BMP2K: variants seen among roughly 807,000 people sequenced by gnomAD.
The protein encoded by BMP2K is BMP-2-inducible protein kinase.
BMP2K carries 74 observed loss-of-function variants against 116.0 expected under a neutral mutation model. The observed-to-expected ratio is 0.64, with a 90% confidence interval of 0.53 to 0.77. The LOEUF is 0.77. BMP2K is among the 30% of genes least tolerant of loss of function. The probability of loss-of-function intolerance (pLI) is 0.00; values close to 1 mark genes in which losing one functional copy is unlikely to be tolerated. For synonymous variants in BMP2K, 486 were observed against 502.5 expected (o/e 0.97, Z 0.44); for missense variants, 1,365 against 1,403.6 (o/e 0.97, Z 0.44).
At chr4:78,826,212 T>G (rs1279469672) in intron 2 of BMP2K, 57 bp downstream of exon 2, 1 of 1,418,918 alleles carries the variant, frequency 7.0e-7, no homozygotes, top group African/African-American at 1.4e-5. Context: ...TTTTTATTTT[T>G]CTTGGGATGG....
Position 78,911,635 on chromosome 4 carries a change from C to T in BMP2K, c.3088C>T (p.Gln1030Ter), listed in dbSNP as rs1734618335. ...CAAAAAAGTGGGCCGCCGAGACTCT[C>T]AAAGTAGCAATGAATTTTTAACCAT... is the stretch of plus-strand genomic sequence containing the variant. ...RHKKVGRRDS[Q>*]SSNEFLTISD... The change falls in exon 16 of 16, where the codon CAA becomes TAA. Residue 1030 changes from glutamine (Q) to a stop codon, truncating the protein, a stop_gained. Transcript: ENST00000502613. LOFTEE classifies it high-confidence loss of function. The T allele has an allele frequency of 1.2e-6, 2 of 1,613,856 alleles. No homozygotes were observed. The highest frequency in any genetic ancestry group is 1.7e-6 in the Non-Finnish European group (2 of 1,179,886).
At position 78,776,534 on chromosome 4, in the gene BMP2K, C is replaced by G; in HGVS notation, c.-10C>G. ...ACGCTCCCTGCGCCCTCCAGCTCGC[C>G]GGCGGGACCATGAAGAAGTTCTCTC... On this transcript the variant is annotated 5_prime_UTR_variant, in exon 1 of 16. Coordinates refer to ENST00000502613, the MANE Select transcript of BMP2K (RefSeq NM_198892.2). 8.8e-7 allele frequency: 1 copy of G among 1,135,550 alleles called. No individual in the cohort carries two copies. The highest frequency in any genetic ancestry group is 1.1e-6 in the Non-Finnish European group (1 of 922,896). The allele number at this position is 1,135,550 out of a possible 1,614,324, so 70.3% of individuals were successfully genotyped here.
At chr4:78,812,488 C>T (rs1267479804) in intron 1 of BMP2K, among the ~76,000 whole-genome samples, 4 of 152,128 alleles carry the variant, frequency 2.6e-5, no homozygotes, top group Admixed American at 2.6e-4. Flanking sequence ...TTGGTATGTC[C>T]AAAACTGTGC....
chr4:78,859,542 G>A, intron 7 of BMP2K, 42 bp from the exon 8 acceptor site: 2 of 1,329,432 alleles, frequency 1.5e-6, no homozygotes, highest in Non-Finnish European at 2.1e-6. Flanking sequence ...AGTATAATGT[G>A]TGTTTCATAA....
Position 78,847,248 on chromosome 4 carries a change from C to G in BMP2K, c.729C>G (p.Ile243Met). The G allele has an allele frequency of 6.3e-7, 1 of 1,595,646 alleles. No individual in the cohort carries two copies. The change falls in exon 6 of 16, where the codon ATC becomes ATG. Residue 243 changes from isoleucine (I) to methionine (M), a missense_variant. Physicochemically the swap from Ile to Met is conservative, Grantham distance 10 (BLOSUM62 1). Coordinates refer to ENST00000502613, the MANE Select transcript of BMP2K (RefSeq NM_198892.2). ...EMINLYGGKP[I>M]TTKADIWALG... ...TCAACCTTTATGGAGGGAAACCCAT[C>G]ACCACCAAGGCTGATATCTGGGTAA...
chr4:78,903,480 C>A (rs1331866141), intron 15 of BMP2K, among the ~76,000 whole-genome samples: 1 of 151,846 alleles, frequency 6.6e-6, no homozygotes, highest in Non-Finnish European at 1.5e-5. Flanking sequence ...CTAACACACA[C>A]CCCCACCCAA....
chr4:78,837,371 T>G (rs536152494), intron 3 of BMP2K, among the ~76,000 whole-genome samples: 1 of 152,046 alleles, frequency 6.6e-6, no homozygotes, highest in South Asian at 2.1e-4. Context: ...ATTTTTGTAA[T>G]TTTAGTAGAG....
At chr4:78,909,325 C>T (rs528364550) in intron 15 of BMP2K, among the ~76,000 whole-genome samples, 37 of 151,612 alleles carry the variant, frequency 2.4e-4, no homozygotes, top group South Asian at 1.3e-3. Context: ...GGTGAGCCAC[C>T]GCACCCAGCC....
chr4:78,866,611 A>C (rs1174520485), intron 10 of BMP2K, among the ~76,000 whole-genome samples: 1 of 152,142 alleles, frequency 6.6e-6, no homozygotes, highest in African/African-American at 2.4e-5. Flanking sequence ...GTTACTATCA[A>C]GTAAAGTATA....
intron 3 of BMP2K, among the ~76,000 whole-genome samples, chr4:78,839,449 T>C (rs1321451805): frequency 4.6e-5 from 7 of 152,190 alleles, no homozygotes; most frequent in Non-Finnish European, 7.4e-5. Context: ...GCAGGAAATT[T>C]ATCTGCCTCA....
chr4:78,910,482 T>G, intron 15 of BMP2K, 128 bp from the exon 16 acceptor site: 1 of 782,514 alleles, frequency 1.3e-6, no homozygotes, highest in Non-Finnish European at 2.0e-6. Context: ...ATTGACAACA[T>G]TATTTTTTCC....
chr4:78,881,565 G>C (rs1234951829), intron 14 of BMP2K, among the ~76,000 whole-genome samples: 3 of 152,174 alleles, frequency 2.0e-5, no homozygotes, highest in Middle Eastern at 3.4e-3. Flanking sequence ...TTTCCTCTCA[G>C]AGTTTAACTT....
intron 4 of BMP2K, among the ~76,000 whole-genome samples, chr4:78,843,806 T>C (rs1053278736): frequency 1.3e-5 from 2 of 151,978 alleles, no homozygotes; most frequent in African/African-American, 4.8e-5. Context: ...ATTAATTTTT[T>C]TGCATGCAAA....
At chr4:78,885,928 C>T (rs771973495) in intron 14 of BMP2K, among the ~76,000 whole-genome samples, 19 of 152,160 alleles carry the variant, frequency 1.2e-4, no homozygotes, top group Non-Finnish European at 2.4e-4. Context: ...AGTTTTGCCT[C>T]ACTGTAGCCT....
Position 78,911,499 on chromosome 4 carries a change from C to T in BMP2K, c.2952C>T (p.Arg984=). 6.2e-7 allele frequency: 1 copy of T among 1,614,016 alleles called. No homozygotes were observed. Reference sequence around the variant, plus strand: ...AGAAACTGTCCTCTCGCCAAAGGCGCACAAAGCAGGATATGTCCAAAAGTA... The same window carrying T: ...AGAAACTGTCCTCTCGCCAAAGGCGTACAAAGCAGGATATGTCCAAAAGTA... ...SLQKLSSRQR[R]TKQDMSKSNG... Residue 984 remains arginine (R), a synonymous_variant, in exon 16 of 16, where the codon CGC becomes CGT. Transcript: ENST00000502613.
chr4:78,823,163 C>G (rs1341345687), intron 1 of BMP2K, among the ~76,000 whole-genome samples: 1 of 152,016 alleles, frequency 6.6e-6, no homozygotes, highest in African/African-American at 2.4e-5. Flanking sequence ...TAAGATCTGT[C>G]TAAATTAGGG....
intron 14 of BMP2K, among the ~76,000 whole-genome samples, chr4:78,882,955 G>C (rs1436402615): frequency 6.6e-6 from 1 of 151,946 alleles, no homozygotes; most frequent in East Asian, 1.9e-4. Context: ...AAATATATTA[G>C]ACCAGTTTCA....
chr4:78,824,079 C>G (rs1389192216), intron 1 of BMP2K, among the ~76,000 whole-genome samples: 1 of 152,162 alleles, frequency 6.6e-6, no homozygotes, highest in Non-Finnish European at 1.5e-5. Flanking sequence ...AAGTACCTTT[C>G]CCAAACATCA....
intron 1 of BMP2K, among the ~76,000 whole-genome samples, chr4:78,814,040 A>G (rs965938374): frequency 6.6e-6 from 1 of 152,332 alleles, no homozygotes. Flanking sequence ...TGCTCCAGCA[A>G]TGTAAGAATG....
Sources: gnomAD v4.1 joint callset for allele counts (sites outside exome capture counted in the v4.1 genomes callset) on GRCh38, gnomAD v4.1.1 for gene constraint, MANE v1.5 for transcripts, NCBI Gene and HGNC (gene_info 2026-07-23, HGNC 2026-07-21) for gene names.